The following MEIKIN variants were observed in gnomAD, a reference collection of about 807,000 sequenced individuals.
MEIKIN encodes meiotic kinetochore factor, also known as meiosis-specific kinetochore protein.
At chr5:131,819,986 G>A (rs1474239454) in intron 11 of MEIKIN, among the ~76,000 whole-genome samples, 3 of 147,740 alleles carry the variant, frequency 2.0e-5, no homozygotes, top group East Asian at 2.0e-4. Context: ...CGTTTTAGCC[G>A]GGATGGTCTC....
chr5:131,908,951 C>T (rs891653121), intron 8 of MEIKIN, among the ~76,000 whole-genome samples: 17 of 152,132 alleles, frequency 1.1e-4, no homozygotes, highest in African/African-American at 3.4e-4. Context: ...GAAAGATATT[C>T]CATGTTCATG....
At chr5:131,861,794 A>G (rs185817135) in intron 9 of MEIKIN, among the ~76,000 whole-genome samples, 1 of 152,302 alleles carries the variant, frequency 6.6e-6, no homozygotes, top group African/African-American at 2.4e-5. Flanking sequence ...CATCCCTGGT[A>G]TAAAACCCAC....
chr5:131,856,940 T>C (rs926996492), intron 9 of MEIKIN, among the ~76,000 whole-genome samples: 4 of 151,528 alleles, frequency 2.6e-5, no homozygotes, highest in African/African-American at 9.7e-5. Context: ...GCTTTCTTTT[T>C]TTTTTCTTTT....
chr5:131,876,393 A>T (rs1180663712), intron 9 of MEIKIN, among the ~76,000 whole-genome samples: 1 of 151,376 alleles, frequency 6.6e-6, no homozygotes, highest in African/African-American at 2.5e-5. Flanking sequence ...ACACATGAAA[A>T]AATGCTCATC....
At position 131,907,200 on chromosome 5, in the gene MEIKIN, G is replaced by A. The variant is rs1256141126; in HGVS notation, c.703+4615C>T. On this transcript the variant is annotated intron_variant, in intron 8 of 12. Coordinates refer to ENST00000442687, the MANE Select transcript of MEIKIN (RefSeq NM_001303622.2). The stretch of plus-strand genomic sequence containing the variant: ...GGCTACAGTGAAAGCAGTACTAACA[G>A]GGAAATTTACAGTTACAAATGCTTA... 3.3e-5 allele frequency among the ~76,000 whole-genome samples: 5 copies of A among 151,876 alleles called. No homozygotes were observed. The East Asian group carries it at 5.8e-4, about 18-fold the overall frequency.
At position 131,866,471 on chromosome 5, in the gene MEIKIN, G is replaced by A. The variant is rs114927307; in HGVS notation, c.775-11637C>T. 5.4e-3 allele frequency among the ~76,000 whole-genome samples: 828 copies of A among 152,328 alleles called. 11 individuals are homozygous for A. Among genetic ancestry groups the A allele is most frequent in the African/African-American group, 0.019 (801 of 41,570 alleles). ...TGGCCATTGGCAGAATGCTCAGGTGGAGGCAGCAGCAGCTGTGCTGTGGCC... is the reference window on the plus strand; with the variant it reads ...TGGCCATTGGCAGAATGCTCAGGTGAAGGCAGCAGCAGCTGTGCTGTGGCC... On this transcript the variant is annotated intron_variant, in intron 9 of 12. Transcript: ENST00000442687.
chr5:131,836,788 A>G lies in MEIKIN; in HGVS notation c.975+14476T>C, dbSNP rs184948173. Among the ~76,000 whole-genome samples the G allele has an allele frequency of 3.8e-3, 568 of 150,152 alleles. 4 individuals carry two copies. Among genetic ancestry groups the G allele is most frequent in the African/African-American group, 0.013 (538 of 40,808 alleles). Reference sequence around the variant, plus strand: ...TGTTTCAGTTCGTTATAGATGCTGGATATTAGACCTTTGTTAGATGCATAG... The same window carrying G: ...TGTTTCAGTTCGTTATAGATGCTGGGTATTAGACCTTTGTTAGATGCATAG... On this transcript the variant is annotated intron_variant, in intron 11 of 12. Coordinates refer to ENST00000442687, the MANE Select transcript of MEIKIN (RefSeq NM_001303622.2).
intron 11 of MEIKIN, among the ~76,000 whole-genome samples, chr5:131,827,085 A>C (rs1230012512): frequency 1.3e-5 from 2 of 152,184 alleles, no homozygotes; most frequent in East Asian, 3.9e-4. Flanking sequence ...CCTGGGGTCA[A>C]GTGATCCTCC....
At chr5:131,854,283 T>C (rs1750160483) in intron 10 of MEIKIN, among the ~76,000 whole-genome samples, 1 of 151,852 alleles carries the variant, frequency 6.6e-6, no homozygotes, top group African/African-American at 2.4e-5. Flanking sequence ...GTACCTAGAG[T>C]AGTCAAATTT....
chr5:131,859,849 G>A (rs765016873), intron 9 of MEIKIN, among the ~76,000 whole-genome samples: 2 of 152,114 alleles, frequency 1.3e-5, no homozygotes, highest in African/African-American at 4.8e-5. Context: ...CTTTGTTGAA[G>A]ATCAGTTGGC....
At chr5:131,841,062 T>C (rs1170981134) in intron 11 of MEIKIN, among the ~76,000 whole-genome samples, 4 of 152,148 alleles carry the variant, frequency 2.6e-5, no homozygotes, top group Non-Finnish European at 5.9e-5. Context: ...TTGATTGTGG[T>C]ATAATGTGAG....
At chr5:131,865,259 G>A (rs973984298) in intron 9 of MEIKIN, among the ~76,000 whole-genome samples, 33 of 150,034 alleles carry the variant, frequency 2.2e-4, no homozygotes, top group Middle Eastern at 3.4e-3. Context: ...ATGCTCTGAC[G>A]CCCAGGCTGG....
chr5:131,883,298 G>A (rs960274895), intron 8 of MEIKIN, among the ~76,000 whole-genome samples: 1 of 152,102 alleles, frequency 6.6e-6, no homozygotes, highest in Non-Finnish European at 1.5e-5. Context: ...TGGAAATCCT[G>A]CCTATTACAA....
At chr5:131,822,864 C>T (rs1038568669) in intron 11 of MEIKIN, among the ~76,000 whole-genome samples, 10 of 151,276 alleles carry the variant, frequency 6.6e-5, no homozygotes, top group Non-Finnish European at 1.0e-4. Context: ...TAGGACAAGC[C>T]GGGTGTTGAT....
chr5:131,916,760 C>T (rs908980127), intron 7 of MEIKIN, 126 bp downstream of exon 7: 2 of 383,280 alleles, frequency 5.2e-6, no homozygotes, highest in African/African-American at 4.1e-5. Context: ...AGTCCTGACA[C>T]ATAGTGAGTC....
intron 6 of MEIKIN, among the ~76,000 whole-genome samples, chr5:131,918,581 G>T (rs1298989351): frequency 6.6e-6 from 1 of 152,104 alleles, no homozygotes; most frequent in South Asian, 2.1e-4. Context: ...GCTCTAATAG[G>T]TGGGCTGACA....
At chr5:131,820,908 A>T (rs1294519952) in intron 11 of MEIKIN, among the ~76,000 whole-genome samples, 2 of 151,686 alleles carry the variant, frequency 1.3e-5, no homozygotes, top group Admixed American at 1.3e-4. Flanking sequence ...TTTTTTTCTT[A>T]GTCTGGCTAA....
At chr5:131,827,185 A>G (rs188650834) in intron 11 of MEIKIN, among the ~76,000 whole-genome samples, 1 of 152,172 alleles carries the variant, frequency 6.6e-6, no homozygotes, top group Non-Finnish European at 1.5e-5. Flanking sequence ...GGGTCTCTCT[A>G]TGTTGACCAG....
At chr5:131,916,095 G>C (rs1315414041) in intron 7 of MEIKIN, among the ~76,000 whole-genome samples, 25 of 152,168 alleles carry the variant, frequency 1.6e-4, no homozygotes, top group Admixed American at 1.6e-3. Flanking sequence ...CAGATGTCTA[G>C]TAGATAATAG....
Sources: gnomAD v4.1 joint callset for allele counts (sites outside exome capture counted in the v4.1 genomes callset) on GRCh38, gnomAD v4.1.1 for gene constraint, MANE v1.5 for transcripts, NCBI Gene and HGNC (gene_info 2026-07-23, HGNC 2026-07-21) for gene names.